The following SNX29 variants were observed in gnomAD, a reference collection of about 807,000 sequenced individuals.
The protein encoded by SNX29 is sorting nexin 29.
A neutral mutation model predicts 102.1 loss-of-function variants in SNX29; 78 were observed. That is an observed-to-expected ratio of 0.76 (90% CI 0.64 to 0.92). SNX29 has a LOEUF of 0.92. Ranked by LOEUF, SNX29 falls within the 40% of genes least tolerant of loss-of-function variation. SNX29 has a pLI of 0.00. For missense variants in SNX29, 1,280 were observed against 1,061.7 expected (o/e 1.21, Z -2.86); for synonymous variants, 580 against 414.5 (o/e 1.40, Z -4.85).
At chr16:12,470,976 C>G (rs749801717) in intron 18 of SNX29, among the ~76,000 whole-genome samples, 1 of 152,170 alleles carries the variant, frequency 6.6e-6, no homozygotes, top group African/African-American at 2.4e-5. Flanking sequence ...GGGGTGTCAT[C>G]CCCAGGGTCA....
intron 14 of SNX29, among the ~76,000 whole-genome samples, chr16:12,240,842 G>C (rs1414257653): frequency 6.6e-6 from 1 of 152,002 alleles, no homozygotes; most frequent in East Asian, 1.9e-4. Flanking sequence ...CTGACCTCAA[G>C]TGATCCACCC....
At chr16:12,301,378 C>G (rs964043688) in intron 15 of SNX29, among the ~76,000 whole-genome samples, 2 of 152,144 alleles carry the variant, frequency 1.3e-5, no homozygotes, top group African/African-American at 2.4e-5. Flanking sequence ...CAGCCTGCCC[C>G]TAGGAAGGGC....
intron 13 of SNX29, among the ~76,000 whole-genome samples, chr16:12,182,227 G>C (rs1294319008): frequency 6.9e-6 from 1 of 144,400 alleles, no homozygotes; most frequent in East Asian, 2.0e-4. Context: ...GATTTTGAGA[G>C]ATTAAAAAAT....
At chr16:12,219,357 TG>T (rs1567324974) in intron 14 of SNX29, among the ~76,000 whole-genome samples, 1 of 152,124 alleles carries the variant, frequency 6.6e-6, no homozygotes, top group Non-Finnish European at 1.5e-5. Context: ...CATACACATA[TG>T]TGTATATAGT....
intron 13 of SNX29, among the ~76,000 whole-genome samples, chr16:12,131,048 G>A (rs1033450247): frequency 3.9e-5 from 6 of 152,188 alleles, no homozygotes; most frequent in East Asian, 3.8e-4. Flanking sequence ...AAAGTGCAGC[G>A]CATTTGTAAG....
intron 14 of SNX29, among the ~76,000 whole-genome samples, chr16:12,267,308 G>A (rs1447848440): frequency 1.3e-5 from 2 of 151,816 alleles, no homozygotes; most frequent in Non-Finnish European, 2.9e-5. Context: ...TTTAACACAC[G>A]GCCTTGGATG....
chr16:12,565,795 T>C (rs2078977775), intron 20 of SNX29, among the ~76,000 whole-genome samples: 1 of 152,186 alleles, frequency 6.6e-6, no homozygotes, highest in Admixed American at 6.5e-5. Flanking sequence ...GAGGGCCCTT[T>C]ACACAGCAAC....
chr16:12,477,183 G>A (rs546710108), intron 18 of SNX29, among the ~76,000 whole-genome samples: 5 of 152,266 alleles, frequency 3.3e-5, no homozygotes, highest in African/African-American at 4.8e-5. Context: ...ATCTGGACAC[G>A]GCATTCGGTC....
chr16:12,562,628 C>A (rs1004690597), intron 20 of SNX29, among the ~76,000 whole-genome samples: 1 of 152,184 alleles, frequency 6.6e-6, no homozygotes, highest in East Asian at 1.9e-4. Flanking sequence ...TACAGGCTAT[C>A]AGGGTCTTCC....
chr16:12,382,575 T>C (rs996902449), intron 16 of SNX29, among the ~76,000 whole-genome samples: 1 of 152,246 alleles, frequency 6.6e-6, no homozygotes, highest in Non-Finnish European at 1.5e-5. Flanking sequence ...GGTTACCTGA[T>C]GTTAGCTGCC....
intron 14 of SNX29, among the ~76,000 whole-genome samples, chr16:12,225,416 G>T (rs1052365572): frequency 7.9e-5 from 12 of 152,176 alleles, no homozygotes; most frequent in African/African-American, 2.7e-4. Flanking sequence ...CTCTTCTCAT[G>T]ATGGTGAATA....
At chr16:12,359,899 A>G (rs561325540) in intron 16 of SNX29, among the ~76,000 whole-genome samples, 3 of 152,260 alleles carry the variant, frequency 2.0e-5, no homozygotes, top group Admixed American at 2.0e-4. Flanking sequence ...TCTCAGCTCA[A>G]TGCAACCTCC....
chr16:12,053,439 A>G (rs941831704), intron 8 of SNX29, among the ~76,000 whole-genome samples: 72 of 152,212 alleles, frequency 4.7e-4, no homozygotes, highest in African/African-American at 1.7e-3. Flanking sequence ...TCATGCCTGT[A>G]ATCCCGGCAC....
At chr16:12,506,204 G>T (rs1002780350) in intron 19 of SNX29, among the ~76,000 whole-genome samples, 4 of 152,038 alleles carry the variant, frequency 2.6e-5, no homozygotes, top group Admixed American at 6.6e-5. Flanking sequence ...CAGGTGATGC[G>T]CCTGCCTCGG....
chr16:12,569,289 C>T lies in SNX29; in HGVS notation c.*660C>T, dbSNP rs373684333. On this transcript the variant is annotated 3_prime_UTR_variant, in exon 21 of 21. Transcript: ENST00000566228. ...TGAGTTCAGAGAACTTCCCCTACCT[C>T]CCCCATGGCTGGCTTCAGGAAGGAC... 1 of 229,106 alleles carries T rather than the reference C, an allele frequency of 4.4e-6. No homozygotes were observed. Among genetic ancestry groups the T allele is most frequent in the African/African-American group, 2.2e-5 (1 of 45,032 alleles). The allele number at this position is 229,106 out of a possible 1,614,324, so 14.2% of individuals were successfully genotyped here. A position where few individuals can be genotyped will look rare whatever the true frequency, so the allele number is the denominator to read the frequency against.
Position 12,572,032 on chromosome 16 carries a change from A to G in SNX29, c.*3403A>G, listed in dbSNP as rs560372061. On this transcript the variant is annotated 3_prime_UTR_variant, in exon 21 of 21. Coordinates refer to ENST00000566228, the MANE Select transcript of SNX29 (RefSeq NM_032167.5). ...GGAGCTGCTGGCTATAAAAGGGATC[A>G]TCCAGTGGAGTTGTAAACAAGGGAA... The G allele has an allele frequency of 4.7e-6, 5 of 1,063,200 alleles. No homozygotes were observed. The highest frequency in any genetic ancestry group is 1.0e-4 in the East Asian group (2 of 19,842). The allele number at this position is 1,063,200 out of a possible 1,614,324, so 65.9% of individuals were successfully genotyped here. A position where few individuals can be genotyped will look rare whatever the true frequency, so the allele number is the denominator to read the frequency against.
chr16:12,443,251 C>G, intron 18 of SNX29: 1 of 293,554 alleles, frequency 3.4e-6, no homozygotes, highest in South Asian at 2.9e-5. Context: ...GCAGGGTCAC[C>G]TGTGTGCTAC....
chr16:12,054,584 G>A (rs1460334396), intron 8 of SNX29, among the ~76,000 whole-genome samples: 1 of 152,160 alleles, frequency 6.6e-6, no homozygotes, highest in Non-Finnish European at 1.5e-5. Flanking sequence ...TTCGGCCCTG[G>A]GCCAGGGACT....
intron 1 of SNX29, among the ~76,000 whole-genome samples, chr16:11,983,235 ATTTTTTTTTT>A (rs557542669): frequency 2.3e-5 from 3 of 129,618 alleles, no homozygotes; most frequent in Admixed American, 8.1e-5. Context: ...CTGGGTTACA[ATTTTTTTTTT>A]TTTTTTTTTT....
Sources: allele counts gnomAD v4.1 joint callset (sites outside exome capture counted in the v4.1 genomes callset), GRCh38; gene constraint gnomAD v4.1.1; transcripts MANE v1.5; gene names NCBI Gene and HGNC (gene_info 2026-07-23, HGNC 2026-07-21).